Variants in SLC16A7 observed in about 807,000 individuals in gnomAD.
SLC16A7 encodes solute carrier family 16 member 7.
In SLC16A7, 33 loss-of-function variants were observed where a neutral mutation model predicts 34.9. The ratio of observed to expected loss-of-function variants is 0.94; its 90% CI spans 0.72 to 1.26. The LOEUF is 1.26. Among genes scored for constraint, SLC16A7 ranks in the 50% most tolerant of loss-of-function variants. The pLI, the probability that SLC16A7 is intolerant of heterozygous loss-of-function variation, is 0.00. For synonymous variants in SLC16A7, 201 were observed against 206.6 expected (o/e 0.97, Z 0.23); for missense variants, 573 against 578.1 (o/e 0.99, Z 0.09).
chr12:59,597,104 C>T (rs1439326998), intron 1 of SLC16A7: 2 of 152,230 alleles, frequency 1.3e-5, no homozygotes, highest in Admixed American at 6.5e-5. Context: ...CTTTTCTCCT[C>T]TACTTCCGCG....
At chr12:59,636,340 T>C (rs756787643) in intron 1 of SLC16A7, among the ~76,000 whole-genome samples, 4 of 152,152 alleles carry the variant, frequency 2.6e-5, no homozygotes, top group Non-Finnish European at 2.9e-5. Flanking sequence ...TATTATTCTC[T>C]TTTTTTCTAA....
At chr12:59,604,266 G>T (rs1223635380) in intron 1 of SLC16A7, among the ~76,000 whole-genome samples, 1 of 152,160 alleles carries the variant, frequency 6.6e-6, no homozygotes, top group Non-Finnish European at 1.5e-5. Context: ...TATATATAGC[G>T]ATCTACCTCT....
chr12:59,713,243 C>T (rs1208395694), intron 3 of SLC16A7, among the ~76,000 whole-genome samples: 2 of 152,084 alleles, frequency 1.3e-5, no homozygotes, highest in Admixed American at 6.6e-5. Flanking sequence ...TGGTCTCAAG[C>T]TCCCAACCTC....
intron 3 of SLC16A7, among the ~76,000 whole-genome samples, chr12:59,760,792 TTAAAAC>T (rs1880931500): frequency 6.6e-6 from 1 of 152,014 alleles, no homozygotes; most frequent in Non-Finnish European, 1.5e-5. Flanking sequence ...AGTGCACAAT[TTAAAAC>T]TTATGAATTA....
chr12:59,705,525 G>A (rs889196388), intron 3 of SLC16A7, among the ~76,000 whole-genome samples: 1 of 152,068 alleles, frequency 6.6e-6, no homozygotes, highest in Non-Finnish European at 1.5e-5. Context: ...ATCTCTATAA[G>A]GCTCATTAAA....
At chr12:59,702,264 A>T (rs980127177) in intron 2 of SLC16A7, among the ~76,000 whole-genome samples, 3 of 151,962 alleles carry the variant, frequency 2.0e-5, no homozygotes, top group Non-Finnish European at 4.4e-5. Flanking sequence ...ATCTTCAAAG[A>T]TACTATTTCC....
At chr12:59,647,127 G>A (rs1034369523) in intron 1 of SLC16A7, among the ~76,000 whole-genome samples, 2 of 152,116 alleles carry the variant, frequency 1.3e-5, no homozygotes, top group Non-Finnish European at 2.9e-5. Flanking sequence ...AGAATCGTTG[G>A]GAAGGGCATG....
chr12:59,750,911 G>A (rs1879453161), intron 3 of SLC16A7, among the ~76,000 whole-genome samples: 1 of 152,164 alleles, frequency 6.6e-6, no homozygotes. Flanking sequence ...GTCCTTTGCA[G>A]GGACATGGAT....
At chr12:59,672,004 C>T (rs1335557049) in intron 2 of SLC16A7, among the ~76,000 whole-genome samples, 3 of 558 alleles carry the variant, frequency 5.4e-3, no homozygotes, top group African/African-American at 0.034. Context: ...TGTATATATC[C>T]ATATATCCGT....
rs1883286360 is a variant in SLC16A7, at chr12:59,782,028, C to T, written c.*2349C>T. ...TTCTCGTCACGTCAAAACCAGTTCA[C>T]ATTTGTCTGGCTGCTCTTTGGTTGT... On this transcript the variant is annotated 3_prime_UTR_variant, in exon 6 of 6. Coordinates refer to ENST00000547379, the MANE Select transcript of SLC16A7 (RefSeq NM_001270623.2). The T allele has an allele frequency of 6.6e-6, 1 of 152,198 alleles. No homozygotes were observed. The highest frequency in any genetic ancestry group is 2.4e-5 in the African/African-American group (1 of 41,460). The allele number at this position is 152,198 out of a possible 1,614,324, so 9.4% of individuals were successfully genotyped here.
At chr12:59,729,649 G>A (rs1296539316) in intron 3 of SLC16A7, among the ~76,000 whole-genome samples, 1 of 151,912 alleles carries the variant, frequency 6.6e-6, no homozygotes, top group African/African-American at 2.4e-5. Flanking sequence ...GTGATTTTGT[G>A]GTTCTTAAAA....
chr12:59,679,624 C>A (rs1870590754), intron 2 of SLC16A7, among the ~76,000 whole-genome samples: 1 of 152,158 alleles, frequency 6.6e-6, no homozygotes, highest in Non-Finnish European at 1.5e-5. Context: ...ATGTAATTAT[C>A]TACTTTATAA....
intron 5 of SLC16A7, among the ~76,000 whole-genome samples, chr12:59,778,105 A>G (rs1292697724): frequency 6.6e-6 from 1 of 152,112 alleles, no homozygotes; most frequent in African/African-American, 2.4e-5. Context: ...TAGTGCCGCA[A>G]TAAAAAATTC....
chr12:59,660,085 G>GCTA (rs1868758209), intron 2 of SLC16A7, among the ~76,000 whole-genome samples: 1 of 151,650 alleles, frequency 6.6e-6, no homozygotes, highest in African/African-American at 2.4e-5. Context: ...TTTTGCTTTT[G>GCTA]CTTCTTCTTC....
chr12:59,755,875 A>C (rs535729121), intron 3 of SLC16A7, among the ~76,000 whole-genome samples: 1 of 152,210 alleles, frequency 6.6e-6, no homozygotes, highest in African/African-American at 2.4e-5. Flanking sequence ...GGCTACAGTC[A>C]CCAAAACAGC....
At chr12:59,623,360 A>G (rs957221845) in intron 1 of SLC16A7, among the ~76,000 whole-genome samples, 1 of 151,724 alleles carries the variant, frequency 6.6e-6, no homozygotes, top group African/African-American at 2.4e-5. Flanking sequence ...CATTTAAATC[A>G]ATACATCAAT....
At chr12:59,725,938 A>G (rs1238116290) in intron 3 of SLC16A7, among the ~76,000 whole-genome samples, 2 of 152,114 alleles carry the variant, frequency 1.3e-5, no homozygotes, top group African/African-American at 4.8e-5. Flanking sequence ...TCTTTTTTTC[A>G]GAGGTGACTA....
chr12:59,685,337 A>C (rs1169486931), intron 2 of SLC16A7, among the ~76,000 whole-genome samples: 3 of 152,196 alleles, frequency 2.0e-5, no homozygotes, highest in African/African-American at 7.2e-5. Context: ...GAGGATTTTC[A>C]TAGTGAATCT....
At chr12:59,732,659 C>T (rs377549951) in intron 3 of SLC16A7, among the ~76,000 whole-genome samples, 3 of 152,256 alleles carry the variant, frequency 2.0e-5, no homozygotes, top group African/African-American at 7.2e-5. Context: ...CTCAAATACC[C>T]AATGTTCTTA....
Sources: allele counts gnomAD v4.1 joint callset (sites outside exome capture counted in the v4.1 genomes callset), GRCh38; gene constraint gnomAD v4.1.1; transcripts MANE v1.5; gene names NCBI Gene and HGNC (gene_info 2026-07-23, HGNC 2026-07-21).